Variants in CELF4 observed in about 807,000 individuals in gnomAD.
The protein encoded by CELF4 is CUG-BP- and ETR-3-like factor 4.
In CELF4, 18 loss-of-function variants were observed where a neutral mutation model predicts 59.9. The ratio of observed to expected loss-of-function variants is 0.30; its 90% CI spans 0.21 to 0.45. The LOEUF is 0.45. Among genes scored for constraint, CELF4 ranks in the 20% least tolerant of loss-of-function variants. CELF4 has a pLI of 1.00. For missense variants in CELF4, 456 were observed against 689.0 expected (o/e 0.66, Z 3.79); for synonymous variants, 261 against 267.1 (o/e 0.98, Z 0.22).
chr18:37,309,363 A>G (rs572947328), intron 3 of CELF4, among the ~76,000 whole-genome samples: 2 of 152,168 alleles, frequency 1.3e-5, no homozygotes, highest in South Asian at 2.1e-4. Context: ...TCCTCACCCA[A>G]TTGTGCAGGG....
Position 37,270,863 on chromosome 18 carries a change from G to A in CELF4, c.1004C>T (p.Pro335Leu). 1 of 1,613,662 alleles carries A rather than the reference G, an allele frequency of 6.2e-7. No homozygotes were observed. Among genetic ancestry groups the A allele is most frequent in the Non-Finnish European group, 8.5e-7 (1 of 1,179,932 alleles). ...TAPAVPSIPS[P>L]IGVNGFTGLP... ...GCCGGTGAAGCCATTCACCCCAATG[G>A]GGGATGGGATGCTAGGCACGGCTGG... The change falls in exon 8 of 13, where the codon CCC becomes CTC. Residue 335 changes from proline to leucine, a missense_variant. Pro to Leu is a moderately conservative substitution (Grantham distance 98). Coordinates refer to ENST00000420428, the MANE Select transcript of CELF4 (RefSeq NM_020180.4).
intron 2 of CELF4, among the ~76,000 whole-genome samples, chr18:37,448,683 A>C (rs2099754858): frequency 6.6e-6 from 1 of 152,166 alleles, no homozygotes; most frequent in African/African-American, 2.4e-5. Context: ...CCAGGAATAG[A>C]TGTGGCCACC....
At chr18:37,440,868 CT>C (rs1459499284) in intron 2 of CELF4, among the ~76,000 whole-genome samples, 1 of 152,190 alleles carries the variant, frequency 6.6e-6, no homozygotes, top group Non-Finnish European at 1.5e-5. Context: ...CCCTCTGGGC[CT>C]TGGTTTCCCT....
Position 37,321,085 on chromosome 18 carries a change from TG to T in CELF4, c.448+717del, listed in dbSNP as rs34710638. 2.4e-3 allele frequency among the ~76,000 whole-genome samples: 358 copies of T among 151,736 alleles called. 1 individual carries two copies. The highest frequency in any genetic ancestry group is 8.3e-3 in the African/African-American group (343 of 41,342). On this transcript the variant is annotated intron_variant, in intron 3 of 12. Transcript: ENST00000420428. ...GCCCTGGTTAACCCTGTGGCTGGGA[TG>T]GGGGGGGCAGTACAGACACACAGGC...
chr18:37,274,974 G>A lies in CELF4; in HGVS notation c.578-90C>T, dbSNP rs1250093851. 11 of 1,542,412 alleles carry A rather than the reference G, an allele frequency of 7.1e-6. No individual in the cohort carries two copies. In the Admixed American group the frequency reaches 1.1e-4, roughly 15 times the overall value. On this transcript the variant is annotated intron_variant, in intron 4 of 12. Coordinates refer to ENST00000420428, the MANE Select transcript of CELF4 (RefSeq NM_020180.4). ...GGGCGCATCCCAGGTGAACGCAGAC[G>A]GGTGAGGCAGAGATTGAGAAAGAGA...
intron 1 of CELF4, among the ~76,000 whole-genome samples, chr18:37,493,321 C>A (rs893410213): frequency 2.0e-5 from 3 of 152,204 alleles, no homozygotes; most frequent in South Asian, 4.1e-4. Context: ...TCTCTCATAG[C>A]CCTTGGCAAT....
chr18:37,439,097 C>T (rs553289475), intron 2 of CELF4, among the ~76,000 whole-genome samples: 5 of 152,248 alleles, frequency 3.3e-5, no homozygotes, highest in South Asian at 4.1e-4. Context: ...TCTCCAGGCC[C>T]GCCCCTTCAT....
chr18:37,323,833 C>T (rs897153573), intron 2 of CELF4, among the ~76,000 whole-genome samples: 34 of 152,168 alleles, frequency 2.2e-4, no homozygotes, highest in African/African-American at 7.7e-4. Context: ...CTCTGAGGAG[C>T]GGCAGAGCTG....
At chr18:37,399,279 A>G (rs2099289717) in intron 2 of CELF4, among the ~76,000 whole-genome samples, 2 of 152,174 alleles carry the variant, frequency 1.3e-5, no homozygotes, top group South Asian at 4.1e-4. Context: ...CGTTATCATT[A>G]GAATGTTCCC....
intron 3 of CELF4, among the ~76,000 whole-genome samples, chr18:37,285,919 TTGTCTAA>T (rs2094704003): frequency 6.6e-6 from 1 of 152,278 alleles, no homozygotes; most frequent in African/African-American, 2.4e-5. Flanking sequence ...CCGAACTCTG[TTGTCTAA>T]TGGGGTTTCC....
chr18:37,292,421 G>T (rs1603222126), intron 3 of CELF4, among the ~76,000 whole-genome samples: 1 of 152,192 alleles, frequency 6.6e-6, no homozygotes, highest in East Asian at 1.9e-4. Flanking sequence ...AGGGCAAGGA[G>T]ACCTTCCTGG....
chr18:37,340,910 A>G (rs1267175567), intron 2 of CELF4, among the ~76,000 whole-genome samples: 2 of 152,212 alleles, frequency 1.3e-5, no homozygotes, highest in South Asian at 2.1e-4. Context: ...TCTATTCGAC[A>G]TTGTTTCAGT....
At chr18:37,281,954 ACT>A in intron 3 of CELF4, among the ~76,000 whole-genome samples, 1 of 152,186 alleles carries the variant, frequency 6.6e-6, no homozygotes, top group East Asian at 1.9e-4. Flanking sequence ...GACACACCTG[ACT>A]CAACAGGAGG....
In CELF4 at chr18:37,501,454, G is replaced by A. The variant is rs528364109; in HGVS notation, c.287-15847C>T. Among the ~76,000 whole-genome samples, 10 of 152,354 alleles carry A rather than the reference G, an allele frequency of 6.6e-5. No individual in the cohort carries two copies. In the South Asian group the frequency reaches 1.2e-3, roughly 19 times the overall value. ...GCGGGTCTCCATTCCATCATTAAGT[G>A]TCTGGGGTATCTGTTAATTGCTCAG... On this transcript the variant is annotated intron_variant, in intron 1 of 12. Coordinates refer to ENST00000420428, the MANE Select transcript of CELF4 (RefSeq NM_020180.4).
intron 2 of CELF4, among the ~76,000 whole-genome samples, chr18:37,396,493 C>G (rs473443): frequency 0.85 from 129,047 of 152,184 alleles, 54,775 homozygotes; most frequent in East Asian, 0.93. Flanking sequence ...TAAAAGACCA[C>G]GGTGAGTGAG....
At chr18:37,255,078 C>G (rs1000622083) in intron 11 of CELF4, among the ~76,000 whole-genome samples, 3 of 152,058 alleles carry the variant, frequency 2.0e-5, no homozygotes, top group Admixed American at 6.5e-5. Flanking sequence ...ACTTTAGAGG[C>G]CTTTTCTCCT....
rs149760776 is a variant in CELF4 at position 37,360,494 on chromosome 18, C to T, written c.370-38613G>A. ...TGAGCACTTACTGTGTGCCAAGCTC[C>T]CTTCTCGCCCTTCACATGACAAGCA... On this transcript the variant is annotated intron_variant, in intron 2 of 12. Coordinates refer to ENST00000420428, the MANE Select transcript of CELF4 (RefSeq NM_020180.4). Among the ~76,000 whole-genome samples the T allele has an allele frequency of 3.7e-4, 57 of 152,280 alleles. No homozygotes were observed. In the East Asian group the frequency reaches 0.01, roughly 28 times the overall value.
Position 37,246,668 on chromosome 18 carries a change from G to GA in CELF4, c.*45-1472dup, listed in dbSNP as rs2062282629. Among the ~76,000 whole-genome samples the GA allele has an allele frequency of 6.6e-6, 1 of 151,668 alleles. No individual in the cohort carries two copies. The highest frequency in any genetic ancestry group is 1.5e-5 in the Non-Finnish European group (1 of 67,944). ...GACCAGACCTAGGAAAGTGTCAATTGAAAAAGGCCCCCAAATTTCTAGAAA... is the reference window on the plus strand; with the variant it reads ...GACCAGACCTAGGAAAGTGTCAATTGAAAAAAGGCCCCCAAATTTCTAGAAA... On this transcript the variant is annotated intron_variant, in intron 12 of 12. Transcript: ENST00000420428. This position sits in a 1 kb window ranked among gnomAD's most constrained non-coding sequence, Gnocchi z 5.3.
At chr18:37,273,593 A>G (rs1438943493) in intron 6 of CELF4, 1 of 991,742 alleles carries the variant, frequency 1.0e-6, no homozygotes, top group Non-Finnish European at 1.2e-6. Context: ...AAGTGACAGG[A>G]GAATTATGAA....
Sources: allele counts gnomAD v4.1 joint callset (sites outside exome capture counted in the v4.1 genomes callset), GRCh38; gene constraint gnomAD v4.1.1; non-coding constraint Gnocchi (gnomAD v3.1); transcripts MANE v1.5; gene names NCBI Gene and HGNC (gene_info 2026-07-23, HGNC 2026-07-21).